Variants in AUTS2 observed in about 807,000 individuals in gnomAD.
AUTS2 encodes the protein activator of transcription and developmental regulator AUTS2.
Under a neutral mutation model 112.4 loss-of-function variants are expected in AUTS2, and 17 were observed. The ratio of observed to expected loss-of-function variants is 0.15; its 90% CI spans 0.10 to 0.23. The LOEUF (loss-of-function observed/expected upper bound fraction) is 0.23, where lower values mean the gene tolerates loss of function less well. Ranked by LOEUF, AUTS2 falls within the 10% of genes least tolerant of loss-of-function variation. The pLI is 1.00. For synonymous variants in AUTS2, 751 were observed against 702.7 expected (o/e 1.07, Z -1.09); for missense variants, 1,510 against 1,701.6 (o/e 0.89, Z 1.98).
chr7:70,333,131 C>T lies in AUTS2; in HGVS notation c.661-102621C>T, dbSNP rs550685526. On this transcript the variant is annotated intron_variant, in intron 4 of 18. Transcript: ENST00000342771. Reference sequence around the variant, plus strand: ...CAAATTTACAAGAAAGAAACAACCCCGTCAAAAAGTGGGCGAAGGATCTGA... The same window carrying T: ...CAAATTTACAAGAAAGAAACAACCCTGTCAAAAAGTGGGCGAAGGATCTGA... Among the ~76,000 whole-genome samples, 5 of 152,124 alleles carry T rather than the reference C, an allele frequency of 3.3e-5. No individual in the cohort carries two copies. In the South Asian group the frequency reaches 6.2e-4, roughly 19 times the overall value.
At chr7:70,786,831 T>C in intron 17 of AUTS2, 1 of 347,314 alleles carries the variant, frequency 2.9e-6, no homozygotes, top group South Asian at 2.3e-5. Flanking sequence ...TGACTTCTAC[T>C]GTGAATCAAT....
At chr7:70,308,001 G>A (rs979165556) in intron 4 of AUTS2, among the ~76,000 whole-genome samples, 1 of 152,184 alleles carries the variant, frequency 6.6e-6, no homozygotes, top group Admixed American at 6.5e-5. Context: ...CCTGCATGTT[G>A]CTAAAAATAA....
chr7:69,975,204 CT>C (rs985714633), intron 2 of AUTS2, among the ~76,000 whole-genome samples: 45 of 152,024 alleles, frequency 3.0e-4, no homozygotes, highest in African/African-American at 1.1e-3. Flanking sequence ...TTCTTCTGGC[CT>C]TCAGGGTTTC....
intron 4 of AUTS2, among the ~76,000 whole-genome samples, chr7:70,189,900 T>C (rs997703969): frequency 3.3e-5 from 5 of 152,192 alleles, no homozygotes; most frequent in African/African-American, 1.2e-4. Flanking sequence ...CAGTGTGTGT[T>C]AGTAGGAAAG....
intron 6 of AUTS2, among the ~76,000 whole-genome samples, chr7:70,703,340 CA>C (rs1809559329): frequency 6.6e-6 from 1 of 151,844 alleles, no homozygotes. Flanking sequence ...ACTAAAATTC[CA>C]AAAACCTAGC....
At chr7:70,060,023 A>C (rs572893594) in intron 2 of AUTS2, among the ~76,000 whole-genome samples, 41 of 152,256 alleles carry the variant, frequency 2.7e-4, no homozygotes, top group Non-Finnish European at 5.4e-4. Context: ...AGATTTTCTT[A>C]TAATGAGAAA....
chr7:70,633,765 A>ACC (rs1805395992), intron 5 of AUTS2, among the ~76,000 whole-genome samples: 1 of 152,184 alleles, frequency 6.6e-6, no homozygotes, highest in African/African-American at 2.4e-5. Flanking sequence ...GCCTCAATTG[A>ACC]AATTTCTGGG....
intron 2 of AUTS2, among the ~76,000 whole-genome samples, chr7:70,044,608 G>T (rs1317712611): frequency 6.6e-6 from 1 of 152,190 alleles, no homozygotes; most frequent in Non-Finnish European, 1.5e-5. Flanking sequence ...GGGTGGTAGG[G>T]TTAATGTGTA....
chr7:70,052,591 A>C (rs923071440), intron 2 of AUTS2, among the ~76,000 whole-genome samples: 11 of 152,220 alleles, frequency 7.2e-5, no homozygotes, highest in Admixed American at 7.2e-4. Context: ...TCTAATTTGC[A>C]CTAAAACCTG....
At chr7:70,640,923 G>C (rs769008147) in intron 5 of AUTS2, among the ~76,000 whole-genome samples, 4 of 152,030 alleles carry the variant, frequency 2.6e-5, no homozygotes, top group Non-Finnish European at 4.4e-5. Context: ...CCAGCCTCCC[G>C]GGCTTCTGAT....
At chr7:70,061,783 T>A (rs1170506144) in intron 2 of AUTS2, among the ~76,000 whole-genome samples, 1 of 145,416 alleles carries the variant, frequency 6.9e-6, no homozygotes, top group Non-Finnish European at 1.5e-5. Flanking sequence ...TATTTCTTCT[T>A]TTTTTTTTTT....
intron 2 of AUTS2, among the ~76,000 whole-genome samples, chr7:69,926,190 T>G (rs138918030): frequency 4.7e-4 from 71 of 152,340 alleles, no homozygotes; most frequent in African/African-American, 1.6e-3. Context: ...TTTATAGTGT[T>G]GCTCAGTTTT....
chr7:70,596,331 G>A (rs548547240), intron 5 of AUTS2: 2 of 152,288 alleles, frequency 1.3e-5, no homozygotes, highest in East Asian at 1.9e-4. Flanking sequence ...GTCCAGAGGC[G>A]GCGGACGGCG....
chr7:70,204,054 T>C (rs1810446564), intron 4 of AUTS2, among the ~76,000 whole-genome samples: 1 of 152,120 alleles, frequency 6.6e-6, no homozygotes, highest in African/African-American at 2.4e-5. Context: ...CACAACATTT[T>C]AAAATAACAT....
intron 1 of AUTS2, among the ~76,000 whole-genome samples, chr7:69,626,451 G>A (rs150204545): frequency 1.3e-5 from 2 of 152,046 alleles, no homozygotes; most frequent in East Asian, 3.9e-4. Flanking sequence ...TTGCTTTCAT[G>A]CCCACTGTGT....
intron 4 of AUTS2, among the ~76,000 whole-genome samples, chr7:70,139,958 G>A (rs955047752): frequency 8.5e-5 from 13 of 152,072 alleles, no homozygotes; most frequent in South Asian, 2.1e-4. Flanking sequence ...ACAGGATGGC[G>A]CCATTGCACT....
At chr7:70,591,614 G>A (rs1177812992) in intron 5 of AUTS2, among the ~76,000 whole-genome samples, 1 of 152,126 alleles carries the variant, frequency 6.6e-6, no homozygotes, top group Non-Finnish European at 1.5e-5. Flanking sequence ...GGCTAGGCTG[G>A]TCTCAAACTC....
chr7:70,758,728 C>T (rs1789378342), intron 6 of AUTS2, among the ~76,000 whole-genome samples: 1 of 152,152 alleles, frequency 6.6e-6, no homozygotes, highest in Admixed American at 6.5e-5. Context: ...TATCCTTTGG[C>T]AAATTCAGAG....
rs191666404 is a variant in AUTS2, at chr7:70,154,641, C to G, written c.660+20070C>G. Among the ~76,000 whole-genome samples, 1,506 of 152,182 alleles carry G rather than the reference C, an allele frequency of 9.9e-3. 63 individuals carry two copies. Among genetic ancestry groups the G allele is most frequent in the Admixed American group, 0.08 (1,221 of 15,294 alleles). ...CTCAGTTTCTGGTCTACCTCCTGTC[C>G]TGAACTGAGCAGACTACATTTCCTC... On this transcript the variant is annotated intron_variant, in intron 4 of 18. Coordinates refer to ENST00000342771, the MANE Select transcript of AUTS2 (RefSeq NM_015570.4).
Sources: allele counts gnomAD v4.1 joint callset (sites outside exome capture counted in the v4.1 genomes callset), GRCh38; gene constraint gnomAD v4.1.1; transcripts MANE v1.5; gene names NCBI Gene and HGNC (gene_info 2026-07-23, HGNC 2026-07-21).